Variants in GDAP2 observed in about 807,000 individuals in gnomAD.
The protein encoded by GDAP2 is ganglioside induced differentiation associated protein 2.
A neutral mutation model predicts 67.0 loss-of-function variants in GDAP2; 51 were observed. That is an observed-to-expected ratio of 0.76 (90% CI 0.61 to 0.96). GDAP2 has a LOEUF of 0.96. GDAP2 is among the 40% of genes least tolerant of loss of function. The probability of loss-of-function intolerance (pLI) is 0.00; values close to 1 mark genes in which losing one functional copy is unlikely to be tolerated. For missense variants in GDAP2, 547 were observed against 588.3 expected (o/e 0.93, Z 0.73); for synonymous variants, 203 against 207.3 (o/e 0.98, Z 0.18).
intron 3 of GDAP2, chr1:117,913,402 T>A (rs76189921): frequency 7.3e-6 from 1 of 136,834 alleles, no homozygotes; most frequent in East Asian, 2.1e-4. Flanking sequence ...AAGGTGATGA[T>A]TTTTTTTTTT....
chr1:117,924,567 A>G (rs1188336948), intron 1 of GDAP2, among the ~76,000 whole-genome samples: 1 of 152,302 alleles, frequency 6.6e-6, no homozygotes, highest in African/African-American at 2.4e-5. Flanking sequence ...CTGCTGAGAG[A>G]CATGGGATGC....
chr1:117,895,393 A>AG (rs1485730095), intron 8 of GDAP2, among the ~76,000 whole-genome samples: 2 of 152,152 alleles, frequency 1.3e-5, no homozygotes, highest in Non-Finnish European at 2.9e-5. Flanking sequence ...AATTTGCAAG[A>AG]TTAAAAAAAA....
intron 6 of GDAP2, among the ~76,000 whole-genome samples, chr1:117,903,766 C>G (rs946272644): frequency 6.6e-6 from 1 of 151,918 alleles, no homozygotes; most frequent in Admixed American, 6.6e-5. Flanking sequence ...GTTGAGAATT[C>G]GTAATTTTTT....
chr1:117,926,544 C>T (rs1650452969), intron 1 of GDAP2, among the ~76,000 whole-genome samples: 1 of 152,212 alleles, frequency 6.6e-6, no homozygotes, highest in African/African-American at 2.4e-5. Flanking sequence ...TCAACTCCAT[C>T]TCTAAACAGA....
In GDAP2 at chr1:117,864,463, C is replaced by T. The variant is rs778787463; in HGVS notation, c.*6106G>A. On this transcript the variant is annotated 3_prime_UTR_variant, in exon 14 of 14. Coordinates refer to ENST00000369443, the MANE Select transcript of GDAP2 (RefSeq NM_017686.4). ...TCACATAGTACATGGCAGTACATGC[C>T]TGTTGAACTGAAAAGAGCCTGTACT... 1 of 152,162 alleles carries T rather than the reference C, an allele frequency of 6.6e-6. No homozygotes were observed. Among genetic ancestry groups the T allele is most frequent in the Non-Finnish European group, 1.5e-5 (1 of 68,020 alleles). 9.4% of individuals were successfully genotyped at this position (152,162 alleles called of 1,614,324 possible).
rs374502182 is a variant in GDAP2, at chr1:117,896,871, T to C, written c.915A>G (p.Gln305=). ...GCTTCTGCAGAGCTGCCTCTGATAA[T>C]TGTCCCTGAAGGATCAGTTTTCTTT... The part of the protein sequence containing the change: ...DKQRKLILQG[Q]LSEAALQKQH... Residue 305 remains glutamine (Q), a synonymous_variant, in exon 8 of 14, where the codon CAA becomes CAG. Coordinates refer to ENST00000369443, the MANE Select transcript of GDAP2 (RefSeq NM_017686.4). 1.2e-5 allele frequency: 19 copies of C among 1,613,194 alleles called. No individual in the cohort carries two copies. The African/African-American group carries it at 1.2e-4, about 10-fold the overall frequency.
Position 117,899,042 on chromosome 1 carries a change from A to C in GDAP2, c.796+15T>G. ...CTAAGAGGGAGATTTAAAAAGTTAG[A>C]GCTCTAGAACTCACCTTCTGGAGCA... On this transcript the variant is annotated intron_variant, in intron 7 of 13. Transcript: ENST00000369443. 1 of 1,605,262 alleles carries C rather than the reference A, an allele frequency of 6.2e-7. No homozygotes were observed. The highest frequency in any genetic ancestry group is 1.1e-5 in the South Asian group (1 of 90,796).
At chr1:117,928,671 A>T (rs1404337720) in intron 1 of GDAP2, among the ~76,000 whole-genome samples, 1 of 152,230 alleles carries the variant, frequency 6.6e-6, no homozygotes, top group Non-Finnish European at 1.5e-5. Flanking sequence ...CATTAAGCTC[A>T]GGAAACTCTA....
chr1:117,906,162 T>G (rs1312528685), intron 6 of GDAP2, among the ~76,000 whole-genome samples: 1 of 152,190 alleles, frequency 6.6e-6, no homozygotes. Context: ...CACCAAAGCT[T>G]TTCTGGCACA....
chr1:117,872,493 T>C (rs757511000), intron 13 of GDAP2, among the ~76,000 whole-genome samples: 5 of 152,114 alleles, frequency 3.3e-5, no homozygotes, highest in African/African-American at 4.8e-5. Context: ...ATATATGCCA[T>C]GGAATACTAT....
intron 3 of GDAP2, among the ~76,000 whole-genome samples, chr1:117,914,682 A>C (rs538163264): frequency 6.6e-6 from 1 of 152,154 alleles, no homozygotes; most frequent in East Asian, 1.9e-4. Flanking sequence ...TCCAGAAAGA[A>C]ACCAGTAACA....
In GDAP2 at chr1:117,878,006, T is replaced by C; in HGVS notation, c.1446+3A>G. 7 of 1,613,232 alleles carry C rather than the reference T, an allele frequency of 4.3e-6. No individual in the cohort carries two copies. The highest frequency in any genetic ancestry group is 5.9e-6 in the Non-Finnish European group (7 of 1,179,320). ...GTGAGGGAGAACTTCTGGTACTTCT[T>C]ACCCTGGCATCATATTCAAGGACAA... On this transcript the variant is annotated splice_donor_region_variant and intron_variant, in intron 13 of 13. Transcript: ENST00000369443.
intron 7 of GDAP2, 83 bp from the exon 8 acceptor site, chr1:117,897,072 A>G: frequency 1.1e-6 from 1 of 941,646 alleles, no homozygotes; most frequent in East Asian, 2.7e-5. Flanking sequence ...TAAGGATGAC[A>G]GTGAGGTAAC....
At chr1:117,877,881 C>T (rs2101118878) in intron 13 of GDAP2, 128 bp downstream of exon 13, 1 of 1,309,702 alleles carries the variant, frequency 7.6e-7, no homozygotes, top group Non-Finnish European at 9.8e-7. Flanking sequence ...ATGATATTAC[C>T]AAGTTTATTA....
At chr1:117,916,702 A>G (rs559267518) in intron 3 of GDAP2, among the ~76,000 whole-genome samples, 1 of 152,308 alleles carries the variant, frequency 6.6e-6, no homozygotes, top group Admixed American at 6.5e-5. Context: ...AGGGATAAGA[A>G]AAAGCGAAGT....
chr1:117,921,132 C>T (rs1650238768), intron 1 of GDAP2, among the ~76,000 whole-genome samples: 1 of 152,098 alleles, frequency 6.6e-6, no homozygotes, highest in African/African-American at 2.4e-5. Flanking sequence ...ATCAATTTGC[C>T]TATGAGTCAA....
At chr1:117,874,782 C>T (rs971073419) in intron 13 of GDAP2, among the ~76,000 whole-genome samples, 4 of 152,150 alleles carry the variant, frequency 2.6e-5, no homozygotes, top group African/African-American at 9.7e-5. Flanking sequence ...AAAGGCCATG[C>T]TGATAAGGTC....
At chr1:117,907,527 C>T (rs761344424) in intron 5 of GDAP2, among the ~76,000 whole-genome samples, 5 of 152,138 alleles carry the variant, frequency 3.3e-5, no homozygotes, top group Non-Finnish European at 7.4e-5. Context: ...TCCTTTTTAC[C>T]TACATTCCTT....
chr1:117,895,082 T>C (rs988027260), intron 8 of GDAP2, among the ~76,000 whole-genome samples: 1 of 152,170 alleles, frequency 6.6e-6, no homozygotes, highest in African/African-American at 2.4e-5. Context: ...TATTATAAAA[T>C]CTGTCCAAAG....
Sources: gnomAD v4.1 joint callset for allele counts (sites outside exome capture counted in the v4.1 genomes callset) on GRCh38, gnomAD v4.1.1 for gene constraint, MANE v1.5 for transcripts, NCBI Gene and HGNC (gene_info 2026-07-23, HGNC 2026-07-21) for gene names.